Variants in UBE2D3 observed in about 807,000 individuals in gnomAD.
The protein encoded by UBE2D3 is ubiquitin conjugating enzyme E2 D3.
In UBE2D3, 2 loss-of-function variants were observed where a neutral mutation model predicts 22.8. That is an observed-to-expected ratio of 0.09 (90% CI 0.04 to 0.28). The LOEUF (loss-of-function observed/expected upper bound fraction) is 0.28, where lower values mean the gene tolerates loss of function less well. Among genes scored for constraint, UBE2D3 ranks in the 10% least tolerant of loss-of-function variants. The probability of loss-of-function intolerance (pLI) is 1.00; values close to 1 mark genes in which losing one functional copy is unlikely to be tolerated. For synonymous variants in UBE2D3, 56 were observed against 60.4 expected, an observed-to-expected ratio of 0.93 and a Z score of 0.34; for missense variants, 27 against 182.5, an observed-to-expected ratio of 0.15 and a Z score of 4.91.
At chr4:102,824,356 T>C (rs546959582) in intron 2 of UBE2D3, among the ~76,000 whole-genome samples, 5 of 152,366 alleles carry the variant, frequency 3.3e-5, no homozygotes, top group South Asian at 2.1e-4. Flanking sequence ...AGGAGTGTCA[T>C]GTGCCAAGAG....
At chr4:102,812,769 CTACA>C (rs1242983147) in intron 2 of UBE2D3, 6 of 152,142 alleles carry the variant, frequency 3.9e-5, no homozygotes, top group Non-Finnish European at 7.4e-5. Context: ...AGAAAAGAGA[CTACA>C]TAAAGTGTTT....
chr4:102,816,032 G>A (rs2110300578), intron 2 of UBE2D3, among the ~76,000 whole-genome samples: 1 of 152,252 alleles, frequency 6.6e-6, no homozygotes, highest in Admixed American at 6.5e-5. Flanking sequence ...CCCACAGAAT[G>A]AGCAAGACAG....
intron 2 of UBE2D3, among the ~76,000 whole-genome samples, chr4:102,820,512 T>C (rs1345306917): frequency 2.6e-5 from 4 of 152,216 alleles, no homozygotes; most frequent in Admixed American, 2.0e-4. Context: ...GTCGTAATTA[T>C]AGGTGAAACA....
chr4:102,795,978 C>T lies in UBE2D3; in HGVS notation c.*1437G>A, dbSNP rs1725234316. Reference sequence around the variant, plus strand: ...AGCACTTGTCAAACAAAAAACAATCCAATAGCATTGACTTTTATTCATTCA... The same window carrying T: ...AGCACTTGTCAAACAAAAAACAATCTAATAGCATTGACTTTTATTCATTCA... On this transcript the variant is annotated 3_prime_UTR_variant, in exon 8 of 8. Coordinates refer to ENST00000453744, the MANE Select transcript of UBE2D3 (RefSeq NM_181891.3). 6.6e-6 allele frequency: 1 copy of T among 152,380 alleles called. No individual in the cohort carries two copies. The highest frequency in any genetic ancestry group is 1.5e-5 in the Non-Finnish European group (1 of 67,904). The allele number at this position is 152,380 out of a possible 1,614,324, so 9.4% of individuals were successfully genotyped here. A position where few individuals can be genotyped will look rare whatever the true frequency, so the allele number is the denominator to read the frequency against.
rs776545925 is a variant in UBE2D3, at chr4:102,861,817, ATGACTG to A, written c.-129+6892_-129+6897del. On this transcript the variant is annotated intron_variant, in intron 1 of 7. Coordinates refer to the UBE2D3 transcript ENST00000338145. ...GTAACCATAATCTTTTGTCTAGTCA[ATGACTG>A]CAAAAGTGGTATGTCAGTATACACT... Among the ~76,000 whole-genome samples, 33 of 152,018 alleles carry A rather than the reference ATGACTG, an allele frequency of 2.2e-4. 1 individual carries two copies. The highest frequency in any genetic ancestry group is 4.4e-4 in the Non-Finnish European group (30 of 67,944).
At chr4:102,819,329 C>CAAAAAAA (rs762178343) in intron 2 of UBE2D3, among the ~76,000 whole-genome samples, 4 of 85,430 alleles carry the variant, frequency 4.7e-5, no homozygotes, top group African/African-American at 1.1e-4. Context: ...GACTCCGCCT[C>CAAAAAAA]AAAAAAAAAA....
chr4:102,827,664 A>G (rs957131917), upstream of UBE2D3: 6 of 986,102 alleles, frequency 6.1e-6, no homozygotes, highest in Non-Finnish European at 7.2e-6. Context: ...CCGAAGCCAG[A>G]CGGCTTGCTT....
chr4:102,799,361 C>T (rs757053998), intron 7 of UBE2D3, 46 bp downstream of exon 7: 1 of 1,484,122 alleles, frequency 6.7e-7, no homozygotes, highest in South Asian at 1.1e-5. Flanking sequence ...ATAAGCCTAA[C>T]TCATTAAGTA....
chr4:102,801,333 A>G (rs912253426), intron 6 of UBE2D3, 121 bp downstream of exon 6: 3 of 759,432 alleles, frequency 4.0e-6, no homozygotes, highest in Non-Finnish European at 4.1e-6. Flanking sequence ...TATAAAAGTA[A>G]CTTTATTGCT....
upstream of UBE2D3, chr4:102,827,931 CCA>C (rs1459224177): frequency 8.1e-5 from 80 of 985,472 alleles, no homozygotes; most frequent in African/African-American, 1.3e-3. Context: ...ACAGCGTCCC[CCA>C]GTTTCCTCAC....
At chr4:102,841,191 A>C in intron 1 of UBE2D3, among the ~76,000 whole-genome samples, 1 of 152,132 alleles carries the variant, frequency 6.6e-6, no homozygotes, top group South Asian at 2.1e-4. Flanking sequence ...AGGGAATACA[A>C]ATTCCCCAGG....
chr4:102,828,148 G>A (rs1289885213), upstream of UBE2D3: 10 of 985,384 alleles, frequency 1.0e-5, no homozygotes, highest in African/African-American at 3.5e-5. Flanking sequence ...GAATGCTTAT[G>A]CCGGTGGTTG....
upstream of UBE2D3, chr4:102,828,018 G>A (rs1415422497): frequency 6.1e-6 from 6 of 985,320 alleles, no homozygotes; most frequent in Non-Finnish European, 6.0e-6. Context: ...AATGACTTAA[G>A]AGCAGTTTTG....
At chr4:102,827,044 A>G (rs1730641315) in intron 1 of UBE2D3, 1 of 992,704 alleles carries the variant, frequency 1.0e-6, no homozygotes, top group Non-Finnish European at 1.2e-6. Flanking sequence ...GTTTCTGTCC[A>G]AAGGTGCGGC....
chr4:102,834,200 A>C (rs913235417), intron 1 of UBE2D3, among the ~76,000 whole-genome samples: 4 of 152,192 alleles, frequency 2.6e-5, no homozygotes. Flanking sequence ...CCTTTTCTAC[A>C]GAGAAGAGCA....
intron 4 of UBE2D3, among the ~76,000 whole-genome samples, chr4:102,805,162 C>T (rs2062572835): frequency 6.6e-6 from 1 of 152,048 alleles, no homozygotes; most frequent in Admixed American, 6.6e-5. Flanking sequence ...ATAAAGAAGG[C>T]AAAATATTTC....
intron 1 of UBE2D3, among the ~76,000 whole-genome samples, chr4:102,857,625 TTTTA>T (rs532095165): frequency 1.7e-3 from 253 of 152,324 alleles, no homozygotes; most frequent in African/African-American, 5.6e-3. Flanking sequence ...CTGCATTTAG[TTTTA>T]TTTATGTTCT....
chr4:102,838,259 A>G (rs1454030446), intron 1 of UBE2D3, among the ~76,000 whole-genome samples: 1 of 152,142 alleles, frequency 6.6e-6, no homozygotes, highest in East Asian at 1.9e-4. Flanking sequence ...TATACCTTTT[A>G]CTGTGTTCCG....
chr4:102,825,727 C>T lies in UBE2D3; in HGVS notation c.24+758G>A, dbSNP rs979190492. 3 of 523,404 alleles carry T rather than the reference C, an allele frequency of 5.7e-6. No homozygotes were observed. In the Admixed American group the frequency reaches 7.0e-5, roughly 12 times the overall value. The allele number at this position is 523,404 out of a possible 1,614,324, so 32.4% of individuals were successfully genotyped here. A position where few individuals can be genotyped will look rare whatever the true frequency, so the allele number is the denominator to read the frequency against. ...AATGAGGCAAAAATAGGTACATTAGCTTTCCCTTACTGCCATCGCACCCCT... is the reference window on the plus strand; with the variant it reads ...AATGAGGCAAAAATAGGTACATTAGTTTTCCCTTACTGCCATCGCACCCCT... On this transcript the variant is annotated intron_variant, in intron 2 of 7. Coordinates refer to ENST00000453744, the MANE Select transcript of UBE2D3 (RefSeq NM_181891.3).
Sources: gnomAD v4.1 joint callset for allele counts (sites outside exome capture counted in the v4.1 genomes callset) on GRCh38, gnomAD v4.1.1 for gene constraint, MANE v1.5 for transcripts, NCBI Gene and HGNC (gene_info 2026-07-23, HGNC 2026-07-21) for gene names.